ST8SIA6: variants seen among roughly 807,000 people sequenced by gnomAD.
ST8SIA6 encodes alpha-2,8-sialyltransferase 8F.
A neutral mutation model predicts 33.6 loss-of-function variants in ST8SIA6; 39 were observed. That is an observed-to-expected ratio of 1.16 (90% CI 0.90 to 1.52). The LOEUF is 1.52. Among genes scored for constraint, ST8SIA6 ranks in the 40% most tolerant of loss-of-function variants. The pLI is 0.00. For missense variants in ST8SIA6, 441 were observed against 443.8 expected, an observed-to-expected ratio of 0.99 and a Z score of 0.06; for synonymous variants, 172 against 167.2, an observed-to-expected ratio of 1.03 and a Z score of -0.22.
intron 2 of ST8SIA6, among the ~76,000 whole-genome samples, chr10:17,447,407 A>G (rs946101444): frequency 3.3e-5 from 5 of 152,270 alleles, no homozygotes; most frequent in Middle Eastern, 3.4e-3. Context: ...ATTCCTTCTC[A>G]AAAGAAAAAA....
intron 2 of ST8SIA6, among the ~76,000 whole-genome samples, chr10:17,445,723 T>G (rs1316232335): frequency 6.6e-6 from 1 of 152,190 alleles, no homozygotes; most frequent in Non-Finnish European, 1.5e-5. Context: ...TGTATCGTAC[T>G]ACATAATACA....
At chr10:17,346,235 C>A (rs904043745) in intron 4 of ST8SIA6, among the ~76,000 whole-genome samples, 1 of 152,162 alleles carries the variant, frequency 6.6e-6, no homozygotes. Flanking sequence ...GACATGTGAG[C>A]GTCACATCTT....
At chr10:17,403,193 C>T (rs908656548) in intron 2 of ST8SIA6, among the ~76,000 whole-genome samples, 32 of 152,304 alleles carry the variant, frequency 2.1e-4, no homozygotes, top group African/African-American at 7.7e-4. Flanking sequence ...ATTGGCTTGC[C>T]TCAGTTGCCT....
chr10:17,342,854 T>A (rs1588810268), intron 4 of ST8SIA6, among the ~76,000 whole-genome samples: 1 of 151,908 alleles, frequency 6.6e-6, no homozygotes, highest in South Asian at 2.1e-4. Context: ...GAGGCTGAGG[T>A]GGGAGGATCG....
intron 3 of ST8SIA6, among the ~76,000 whole-genome samples, chr10:17,389,257 C>T (rs1850492767): frequency 6.6e-6 from 1 of 152,190 alleles, no homozygotes; most frequent in African/African-American, 2.4e-5. Flanking sequence ...TCCCACACAG[C>T]CAGCTCTGCG....
intron 2 of ST8SIA6, chr10:17,409,458 A>G (rs544333610): frequency 6.6e-6 from 1 of 152,470 alleles, no homozygotes; most frequent in South Asian, 2.1e-4. Flanking sequence ...AATCTCAGCA[A>G]TTTGGGAGGC....
At position 17,443,537 on chromosome 10, in the gene ST8SIA6, G is replaced by C. The variant is rs147041304; in HGVS notation, c.200+10022C>G. 9.8e-4 allele frequency among the ~76,000 whole-genome samples: 150 copies of C among 152,312 alleles called. 1 individual carries two copies. In the East Asian group the frequency reaches 0.027, roughly 27 times the overall value. ...AAATTGTTTTACAATAACTGCAAAA[G>C]CACAGGTTGTGCCCTATAAAATTAT... On this transcript the variant is annotated intron_variant, in intron 2 of 7. Coordinates refer to ENST00000377602, the MANE Select transcript of ST8SIA6 (RefSeq NM_001004470.3).
rs200853425 is a variant in ST8SIA6 at position 17,321,033 on chromosome 10, T to G, written c.1042A>C (p.Lys348Gln). Reference protein sequence around the residue: ...VKLYGFWPFSKTVEDIPVSHH... With the variant: ...VKLYGFWPFSQTVEDIPVSHH... The stretch of plus-strand genomic sequence containing the variant: ...CTGACAGGTATGTCTTCTACAGTTT[T>G]AGAGAAGGGCCAGAATCCATACAGC... Residue 348 changes from lysine (K) to glutamine (Q), a missense_variant, in exon 8 of 8, where the codon AAA (lysine) becomes CAA (glutamine). By Grantham distance (53) the Lys-to-Gln change is moderately conservative (BLOSUM62 1). Transcript: ENST00000377602. 3.1e-6 allele frequency: 5 copies of G among 1,614,036 alleles called. No homozygotes were observed. The African/African-American group carries it at 5.3e-5, about 17-fold the overall frequency.
At chr10:17,418,395 AT>A (rs994353877) in intron 2 of ST8SIA6, among the ~76,000 whole-genome samples, 13 of 151,958 alleles carry the variant, frequency 8.6e-5, no homozygotes, top group African/African-American at 3.1e-4. Context: ...AAGGACACAA[AT>A]TTTTTTTCTG....
chr10:17,440,308 C>A (rs1366935732), intron 2 of ST8SIA6, among the ~76,000 whole-genome samples: 1 of 151,086 alleles, frequency 6.6e-6, no homozygotes, highest in African/African-American at 2.4e-5. Context: ...CGGGCTCAAG[C>A]AATTCTCCTG....
chr10:17,359,070 G>A (rs1247254280), intron 4 of ST8SIA6, among the ~76,000 whole-genome samples: 4 of 152,102 alleles, frequency 2.6e-5, no homozygotes, highest in South Asian at 4.1e-4. Flanking sequence ...AGCAACTCAC[G>A]CCCCTGAATG....
intron 4 of ST8SIA6, among the ~76,000 whole-genome samples, chr10:17,354,968 G>A (rs17140699): frequency 0.15 from 22,219 of 152,108 alleles, 1,834 homozygotes; most frequent in South Asian, 0.19. Context: ...AGACTCAAGC[G>A]CCAAGCTGCC....
intron 2 of ST8SIA6, among the ~76,000 whole-genome samples, chr10:17,449,454 G>A (rs987744560): frequency 6.6e-6 from 1 of 152,152 alleles, no homozygotes; most frequent in Admixed American, 6.5e-5. Flanking sequence ...CCTTACCCTA[G>A]ACCACTTGAA....
intron 3 of ST8SIA6, among the ~76,000 whole-genome samples, chr10:17,371,716 G>T (rs1588852030): frequency 6.7e-6 from 1 of 150,048 alleles, no homozygotes. Context: ...AACCCAGGAG[G>T]CAGGGGTTGC....
At chr10:17,453,373 G>C (rs866622452) in intron 2 of ST8SIA6, among the ~76,000 whole-genome samples, 186 bp downstream of exon 2, 1 of 151,910 alleles carries the variant, frequency 6.6e-6, no homozygotes, top group Admixed American at 6.6e-5. Context: ...AGGCTTAGAG[G>C]GTTGAGGGAG....
At chr10:17,435,484 A>C (rs75635086) in intron 2 of ST8SIA6, among the ~76,000 whole-genome samples, 6 of 152,320 alleles carry the variant, frequency 3.9e-5, no homozygotes, top group African/African-American at 1.4e-4. Context: ...TAAAATGAGA[A>C]TATTACCAGT....
intron 3 of ST8SIA6, among the ~76,000 whole-genome samples, chr10:17,367,704 G>C (rs10752079): frequency 0.2 from 30,996 of 152,082 alleles, 3,490 homozygotes; most frequent in East Asian, 0.5. Context: ...AGAGAATATT[G>C]AGAGATGAAA....
intron 4 of ST8SIA6, among the ~76,000 whole-genome samples, chr10:17,340,257 C>CCCCTGGTCACCTGCTTCGTCCTGAGTCA (rs1324881064): frequency 6.6e-6 from 1 of 152,172 alleles, no homozygotes; most frequent in Non-Finnish European, 1.5e-5. Context: ...CACATCTGTT[C>CCCCTGGTCACCTGCTTCGTCCTGAGTCA]CCCTGGTCAC....
At chr10:17,445,498 TAG>T (rs913407755) in intron 2 of ST8SIA6, among the ~76,000 whole-genome samples, 4 of 152,026 alleles carry the variant, frequency 2.6e-5, no homozygotes, top group African/African-American at 9.7e-5. Flanking sequence ...AGAAAAAAAC[TAG>T]AGAGGTTTTG....
Sources: allele counts gnomAD v4.1 joint callset (sites outside exome capture counted in the v4.1 genomes callset), GRCh38; gene constraint gnomAD v4.1.1; transcripts MANE v1.5; gene names NCBI Gene and HGNC (gene_info 2026-07-23, HGNC 2026-07-21).